Variants in ELF1 observed in about 807,000 individuals in gnomAD.
The protein encoded by ELF1 is E74 like ETS transcription factor 1.
A neutral mutation model predicts 59.9 loss-of-function variants in ELF1; 24 were observed. The ratio of observed to expected loss-of-function variants is 0.40; its 90% confidence interval spans 0.29 to 0.56. The LOEUF is 0.56. Ranked by LOEUF, ELF1 falls within the 20% of genes least tolerant of loss-of-function variation. The pLI, the probability that ELF1 is intolerant of heterozygous loss-of-function variation, is 0.44. For synonymous variants in ELF1, 248 were observed against 266.2 expected (o/e 0.93, Z 0.67); for missense variants, 627 against 742.2 (o/e 0.84, Z 1.80).
chr13:40,955,978 G>A (rs1429627401), intron 3 of ELF1, among the ~76,000 whole-genome samples: 2 of 138,486 alleles, frequency 1.4e-5, no homozygotes, highest in Non-Finnish European at 3.2e-5. Flanking sequence ...CCGGCCAGCC[G>A]CCCCGTCCAG....
At chr13:40,982,423 C>A in intron 1 of ELF1, 141 bp from the exon 2 acceptor site, 2 of 400,668 alleles carry the variant, frequency 5.0e-6, no homozygotes, top group African/African-American at 2.2e-5. Context: ...AATGCACATA[C>A]GCTCTTTTTT....
chr13:40,978,560 G>C (rs531570481), intron 2 of ELF1, among the ~76,000 whole-genome samples: 1 of 151,950 alleles, frequency 6.6e-6, no homozygotes, highest in East Asian at 1.9e-4. Flanking sequence ...TAGCGCACAA[G>C]ATATCACATT....
intron 3 of ELF1, among the ~76,000 whole-genome samples, chr13:40,955,285 G>A (rs1181504170): frequency 7.1e-6 from 1 of 141,584 alleles, no homozygotes; most frequent in African/African-American, 2.6e-5. Flanking sequence ...GTGGGGGTCA[G>A]CCCCCCGCCC....
chr13:40,954,738 G>A (rs371013916), intron 3 of ELF1, among the ~76,000 whole-genome samples: 1 of 150,640 alleles, frequency 6.6e-6, no homozygotes, highest in Non-Finnish European at 1.5e-5. Context: ...ACGGAGTCGC[G>A]TTCACTCAGT....
chr13:41,021,529 G>C (rs1183437395), upstream of ELF1, among the ~76,000 whole-genome samples: 1 of 152,104 alleles, frequency 6.6e-6, no homozygotes, highest in Non-Finnish European at 1.5e-5. Flanking sequence ...CAAACAGTTT[G>C]ACACAGGTTC....
chr13:40,993,021 T>C, intron 1 of ELF1: 1 of 1,517,018 alleles, frequency 6.6e-7, no homozygotes, highest in Non-Finnish European at 9.1e-7. Context: ...TTTGTTGTAT[T>C]CTGTTCAGAG....
At chr13:41,036,262 A>C (rs571231263) in intron 1 of ELF1, among the ~76,000 whole-genome samples, 1 of 152,318 alleles carries the variant, frequency 6.6e-6, no homozygotes, top group South Asian at 2.1e-4. Flanking sequence ...AAGTTTCAGC[A>C]AAAAGGAATG....
At chr13:41,031,688 T>C (rs1876166886) in intron 1 of ELF1, among the ~76,000 whole-genome samples, 1 of 151,418 alleles carries the variant, frequency 6.6e-6, no homozygotes, top group Non-Finnish European at 1.5e-5. Context: ...GGGGTGTTGG[T>C]GGGCGCCTGT....
chr13:40,950,610 C>T (rs923798764), intron 4 of ELF1, among the ~76,000 whole-genome samples: 1 of 152,178 alleles, frequency 6.6e-6, no homozygotes, highest in African/African-American at 2.4e-5. Context: ...GGTCAGAATA[C>T]TCCTTCAATG....
intron 2 of ELF1, among the ~76,000 whole-genome samples, chr13:40,978,607 T>C (rs947758958): frequency 6.6e-6 from 1 of 152,082 alleles, no homozygotes; most frequent in Non-Finnish European, 1.5e-5. Flanking sequence ...AAAATGTCAA[T>C]GATTCTAATG....
At chr13:41,042,644 T>C (rs1876666655) in intron 1 of ELF1, among the ~76,000 whole-genome samples, 1 of 152,206 alleles carries the variant, frequency 6.6e-6, no homozygotes, top group Non-Finnish European at 1.5e-5. Flanking sequence ...GAACTCATCC[T>C]TTTTTATGGC....
rs1395864862 is a variant in ELF1, at chr13:40,932,129, CTG to C, written c.*1294_*1295del. 1 of 152,136 alleles carries C rather than the reference CTG, an allele frequency of 6.6e-6. No homozygotes were observed. Among genetic ancestry groups the C allele is most frequent in the Non-Finnish European group, 1.5e-5 (1 of 68,028 alleles). The allele number at this position is 152,136 out of a possible 1,614,324, so 9.4% of individuals were successfully genotyped here. A position where few individuals can be genotyped will look rare whatever the true frequency, so the allele number is the denominator to read the frequency against. On this transcript the variant is annotated 3_prime_UTR_variant, in exon 9 of 9. Coordinates refer to ENST00000239882, the MANE Select transcript of ELF1 (RefSeq NM_172373.4). ...ATTTTTGTTTAAATACAAATTCACTCTGTAATATGAAAACATAGCATTAGACC... is the reference window on the plus strand; with the variant it reads ...ATTTTTGTTTAAATACAAATTCACTCTAATATGAAAACATAGCATTAGACC...
chr13:41,009,980 G>GT (rs1437877060), intron 1 of ELF1, among the ~76,000 whole-genome samples: 1 of 148,590 alleles, frequency 6.7e-6, no homozygotes, highest in Non-Finnish European at 1.5e-5. Flanking sequence ...ATCAATATAT[G>GT]TTTTTTACTT....
At chr13:40,959,065 T>C (rs1871642444) in intron 2 of ELF1, 49 bp from the exon 3 acceptor site, 1 of 1,524,354 alleles carries the variant, frequency 6.6e-7, no homozygotes, top group Admixed American at 2.2e-5. Context: ...TTAACACAGT[T>C]TTGCTTTTGT....
chr13:41,002,163 G>A (rs544297487), intron 1 of ELF1, among the ~76,000 whole-genome samples: 9 of 152,230 alleles, frequency 5.9e-5, no homozygotes, highest in Admixed American at 5.9e-4. Flanking sequence ...AGGTAAAGCT[G>A]ATTTACTTAG....
chr13:40,940,400 A>C (rs1170447533), intron 8 of ELF1, among the ~76,000 whole-genome samples: 2 of 146,690 alleles, frequency 1.4e-5, no homozygotes, highest in African/African-American at 5.3e-5. Flanking sequence ...AAAAAAAAAA[A>C]AAAAAAAAAA....
At chr13:41,032,230 T>G (rs2138408823) in intron 1 of ELF1, among the ~76,000 whole-genome samples, 1 of 151,560 alleles carries the variant, frequency 6.6e-6, no homozygotes, top group East Asian at 1.9e-4. Flanking sequence ...CTTTTTTTTT[T>G]TTTTGAGATG....
chr13:41,038,401 C>T (rs1231704312), intron 1 of ELF1, among the ~76,000 whole-genome samples: 2 of 152,130 alleles, frequency 1.3e-5, no homozygotes, highest in Non-Finnish European at 1.5e-5. Flanking sequence ...CCTATGGTCC[C>T]AGCTACTGGG....
At chr13:40,971,184 GTATAT>G (rs969681212) in intron 2 of ELF1, among the ~76,000 whole-genome samples, 2 of 152,138 alleles carry the variant, frequency 1.3e-5, no homozygotes, top group African/African-American at 4.8e-5. Flanking sequence ...GATAAAAAAT[GTATAT>G]TATATATAGA....
Sources: allele counts gnomAD v4.1 joint callset (sites outside exome capture counted in the v4.1 genomes callset), GRCh38; gene constraint gnomAD v4.1.1; transcripts MANE v1.5; gene names NCBI Gene and HGNC (gene_info 2026-07-23, HGNC 2026-07-21).